The following NEURL1 variants were observed in gnomAD, a reference collection of about 807,000 sequenced individuals.
The protein encoded by NEURL1 is E3 ubiquitin-protein ligase NEURL1.
In NEURL1, 26 loss-of-function variants were observed where a neutral mutation model predicts 41.2. The ratio of observed to expected loss-of-function variants is 0.63; its 90% confidence interval spans 0.46 to 0.87. The LOEUF is 0.87. Among genes scored for constraint, NEURL1 ranks in the 40% least tolerant of loss-of-function variants. NEURL1 has a pLI of 0.00. For missense variants in NEURL1, 761 were observed against 871.1 expected, an observed-to-expected ratio of 0.87 and a Z score of 1.59; for synonymous variants, 400 against 402.3, an observed-to-expected ratio of 0.99 and a Z score of 0.07.
chr10:103,572,415 G>A (rs986134660), intron 3 of NEURL1, among the ~76,000 whole-genome samples: 1 of 152,218 alleles, frequency 6.6e-6, no homozygotes, highest in African/African-American at 2.4e-5. Flanking sequence ...TGGATAAAAG[G>A]GTAGGATCCA....
intron 1 of NEURL1, among the ~76,000 whole-genome samples, chr10:103,570,273 T>C (rs769203683): frequency 4.3e-4 from 65 of 152,260 alleles, no homozygotes; most frequent in Admixed American, 1.0e-3. Context: ...TATTAATTAA[T>C]GCTGCCTGTG....
At chr10:103,542,663 A>G (rs1000973211) in intron 1 of NEURL1, among the ~76,000 whole-genome samples, 13 of 150,820 alleles carry the variant, frequency 8.6e-5, no homozygotes, top group African/African-American at 2.9e-4. Context: ...ATCAGCCACC[A>G]TGTCCATTAC....
chr10:103,507,939 G>T (rs1407886100), intron 1 of NEURL1, among the ~76,000 whole-genome samples: 1 of 152,186 alleles, frequency 6.6e-6, no homozygotes, highest in Non-Finnish European at 1.5e-5. Context: ...CCATAAATCA[G>T]CCGGGACAGG....
Position 103,494,067 on chromosome 10 carries a change from C to A in NEURL1, c.-321C>A. ...CGCCCACCCCCAGCCGGAACCCTAG[C>A]GTCCCGGGGAGCAAGCGGGGAGCCC... On this transcript the variant is annotated 5_prime_UTR_variant, in exon 1 of 6. Coordinates refer to ENST00000369780, the MANE Select transcript of NEURL1 (RefSeq NM_004210.5). 1 of 228,462 alleles carries A rather than the reference C, an allele frequency of 4.4e-6. No homozygotes were observed. The allele number at this position is 228,462 out of a possible 1,614,324, so 14.2% of individuals were successfully genotyped here.
At chr10:103,510,680 C>G (rs1195481565) in intron 1 of NEURL1, among the ~76,000 whole-genome samples, 1 of 152,184 alleles carries the variant, frequency 6.6e-6, no homozygotes, top group Admixed American at 6.5e-5. Flanking sequence ...TCACCCCTGG[C>G]TGGGCTGACC....
chr10:103,534,065 C>A (rs1437987150), intron 1 of NEURL1, among the ~76,000 whole-genome samples: 2 of 151,958 alleles, frequency 1.3e-5, no homozygotes, highest in East Asian at 1.9e-4. Flanking sequence ...ATTCATTGAA[C>A]TTTTTGGCTG....
At chr10:103,578,858 G>A (rs2035724269) in intron 3 of NEURL1, among the ~76,000 whole-genome samples, 1 of 152,218 alleles carries the variant, frequency 6.6e-6, no homozygotes, top group African/African-American at 2.4e-5. Context: ...CCCATGCCCC[G>A]TGCCAGATGC....
chr10:103,538,494 C>T (rs1204888866), intron 1 of NEURL1, among the ~76,000 whole-genome samples: 1 of 150,090 alleles, frequency 6.7e-6, no homozygotes, highest in African/African-American at 2.4e-5. Context: ...TCACTTGAGC[C>T]CGGGAGGCAG....
At chr10:103,580,790 T>C (rs1427335167) in intron 3 of NEURL1, among the ~76,000 whole-genome samples, 1 of 152,074 alleles carries the variant, frequency 6.6e-6, no homozygotes, top group East Asian at 1.9e-4. Context: ...CTTTTGTCCC[T>C]CCCCTCCCAA....
chr10:103,581,732 G>A (rs2035787113), intron 3 of NEURL1, among the ~76,000 whole-genome samples: 1 of 152,176 alleles, frequency 6.6e-6, no homozygotes, highest in South Asian at 2.1e-4. Context: ...GAGCTGGTTG[G>A]TGCACATCTA....
At chr10:103,519,864 G>A (rs1337641858) in intron 1 of NEURL1, among the ~76,000 whole-genome samples, 1 of 150,922 alleles carries the variant, frequency 6.6e-6, no homozygotes, top group East Asian at 1.9e-4. Context: ...GTTTATTGCA[G>A]CCTTGACCCC....
At chr10:103,579,291 G>A (rs11815073) in intron 3 of NEURL1, among the ~76,000 whole-genome samples, 7 of 152,132 alleles carry the variant, frequency 4.6e-5, no homozygotes, top group Non-Finnish European at 8.8e-5. Flanking sequence ...CTCCTGTGTC[G>A]TCCAGAATAC....
At chr10:103,535,081 G>A (rs958524475) in intron 1 of NEURL1, among the ~76,000 whole-genome samples, 1 of 152,172 alleles carries the variant, frequency 6.6e-6, no homozygotes, top group African/African-American at 2.4e-5. Flanking sequence ...AGGGGATGAG[G>A]CATTGTGTAG....
chr10:103,536,919 A>G (rs563167746), intron 1 of NEURL1, among the ~76,000 whole-genome samples: 21 of 152,148 alleles, frequency 1.4e-4, no homozygotes, highest in African/African-American at 5.1e-4. Context: ...CTAGCTTCCC[A>G]TTTCCCAGTG....
intron 1 of NEURL1, among the ~76,000 whole-genome samples, chr10:103,498,607 C>A (rs2033746910): frequency 6.6e-6 from 1 of 152,108 alleles, no homozygotes; most frequent in East Asian, 1.9e-4. Flanking sequence ...AGTACATTTA[C>A]AATATTGTAC....
intron 1 of NEURL1, among the ~76,000 whole-genome samples, chr10:103,497,595 G>A (rs1468767073): frequency 6.6e-6 from 1 of 152,118 alleles, no homozygotes; most frequent in African/African-American, 2.4e-5. Context: ...ATCGCCTCTC[G>A]GGTGATAGAC....
intron 1 of NEURL1, among the ~76,000 whole-genome samples, chr10:103,557,045 T>A (rs2035171366): frequency 6.6e-6 from 1 of 151,996 alleles, no homozygotes; most frequent in Admixed American, 6.5e-5. Flanking sequence ...TGGGAGTGGG[T>A]AGATATGTTT....
In NEURL1 at chr10:103,584,729, G is replaced by A; in HGVS notation, c.843G>A (p.Gln281=). 6.8e-7 allele frequency: 1 copy of A among 1,465,578 alleles called. No individual in the cohort carries two copies. Among genetic ancestry groups the A allele is most frequent in the Non-Finnish European group, 9.0e-7 (1 of 1,114,146 alleles). 90.8% of individuals were successfully genotyped at this position (1,465,578 alleles called of 1,614,324 possible). The change falls in exon 4 of 6, where the codon CAG becomes CAA. Residue 281 remains glutamine (Q), a synonymous_variant. Transcript: ENST00000369780. The part of the protein sequence containing the change: ...CPIPQNSLNS[Q]HSRALPAQLD... ...TCCCGCAGAACTCACTCAACTCGCA[G>A]CACAGCCGCGCGCTGCCGGCGCAGC...
intron 1 of NEURL1, among the ~76,000 whole-genome samples, chr10:103,565,615 A>G (rs1300945026): frequency 6.6e-6 from 1 of 152,178 alleles, no homozygotes; most frequent in African/African-American, 2.4e-5. Context: ...CTCCGTCTGA[A>G]TGAAGATGTG....
Sources: gnomAD v4.1 joint callset for allele counts (sites outside exome capture counted in the v4.1 genomes callset) on GRCh38, gnomAD v4.1.1 for gene constraint, MANE v1.5 for transcripts, NCBI Gene and HGNC (gene_info 2026-07-23, HGNC 2026-07-21) for gene names.